Variants in PRUNE2 observed in about 807,000 individuals in gnomAD.
The protein encoded by PRUNE2 is prune homolog 2 with BCH domain.
Under a neutral mutation model 252.0 loss-of-function variants are expected in PRUNE2, and 164 were observed. The observed-to-expected ratio is 0.65, with a 90% confidence interval of 0.57 to 0.74. The LOEUF is 0.74. Among genes scored for constraint, PRUNE2 ranks in the 30% least tolerant of loss-of-function variants. The pLI is 0.00. For synonymous variants in PRUNE2, 1,292 were observed against 1,350.2 expected, an observed-to-expected ratio of 0.96 and a Z score of 0.94; for missense variants, 3,495 against 3,711.0, an observed-to-expected ratio of 0.94 and a Z score of 1.51.
intron 1 of PRUNE2, among the ~76,000 whole-genome samples, chr9:76,881,573 C>G (rs981081734): frequency 6.6e-6 from 1 of 152,032 alleles, no homozygotes; most frequent in Non-Finnish European, 1.5e-5. Flanking sequence ...CCCCAGCAAC[C>G]ACCAATTTAC....
chr9:76,649,544 T>C (rs879847941), intron 11 of PRUNE2, among the ~76,000 whole-genome samples: 8 of 151,940 alleles, frequency 5.3e-5, no homozygotes, highest in Non-Finnish European at 7.4e-5. Context: ...TGAGATTACA[T>C]CAGTGCACTC....
intron 9 of PRUNE2, among the ~76,000 whole-genome samples, chr9:76,700,661 TATA>T (rs1016748328): frequency 1.3e-5 from 2 of 152,234 alleles, no homozygotes; most frequent in African/African-American, 4.8e-5. Context: ...CACTTGAAAG[TATA>T]ATAATTTTTT....
chr9:76,873,043 G>C (rs1407137374), intron 1 of PRUNE2, among the ~76,000 whole-genome samples: 1 of 152,080 alleles, frequency 6.6e-6, no homozygotes, highest in East Asian at 1.9e-4. Flanking sequence ...ACAGGGAGAA[G>C]CCCATCCACA....
intron 6 of PRUNE2, among the ~76,000 whole-genome samples, chr9:76,799,470 C>T (rs1440529412): frequency 1.3e-5 from 2 of 152,024 alleles, no homozygotes; most frequent in African/African-American, 4.8e-5. Flanking sequence ...ATTATTACTA[C>T]AGAGCCTTAA....
At chr9:76,722,993 G>A (rs1168294051) in intron 6 of PRUNE2, among the ~76,000 whole-genome samples, 1 of 152,160 alleles carries the variant, frequency 6.6e-6, no homozygotes, top group Non-Finnish European at 1.5e-5. Context: ...CTACACACAA[G>A]CAAGCAACAT....
At chr9:76,697,054 C>T (rs575705974) in intron 9 of PRUNE2, among the ~76,000 whole-genome samples, 85 of 152,320 alleles carry the variant, frequency 5.6e-4, no homozygotes, top group African/African-American at 1.9e-3. Flanking sequence ...TCTTGCTGTG[C>T]CCCTGATATG....
intron 6 of PRUNE2, among the ~76,000 whole-genome samples, chr9:76,753,523 G>C (rs963934484): frequency 6.6e-6 from 1 of 152,070 alleles, no homozygotes. Flanking sequence ...TCTCCATTCT[G>C]GATGAATGTT....
rs373755220 is a variant in PRUNE2, at chr9:76,902,621, A to G, written c.36+3307T>C. Among the ~76,000 whole-genome samples the G allele has an allele frequency of 1.9e-4, 29 of 152,294 alleles. No homozygotes were observed. In the South Asian group the frequency reaches 2.9e-3, roughly 15 times the overall value. On this transcript the variant is annotated intron_variant, in intron 1 of 18. Transcript: ENST00000376718. ...CTTTAACAATCCTCGTGTCAATTCC[A>G]TATGTGTCATTCCTTGTTTGTCTAG...
At chr9:76,747,719 A>G (rs760823615) in intron 6 of PRUNE2, among the ~76,000 whole-genome samples, 27 of 152,188 alleles carry the variant, frequency 1.8e-4, no homozygotes, top group Non-Finnish European at 3.1e-4. Flanking sequence ...AAGGATGACA[A>G]CAAATCCCAC....
chr9:76,770,626 C>A (rs2052988666), intron 6 of PRUNE2, among the ~76,000 whole-genome samples: 1 of 152,082 alleles, frequency 6.6e-6, no homozygotes, highest in South Asian at 2.1e-4. Context: ...ACAACAAAAT[C>A]CTGCAAAACT....
intron 15 of PRUNE2, among the ~76,000 whole-genome samples, chr9:76,631,197 C>T (rs1011686710): frequency 2.0e-5 from 3 of 152,124 alleles, no homozygotes; most frequent in Admixed American, 6.5e-5. Context: ...GAGCTAAATA[C>T]GGTTTTGATA....
intron 1 of PRUNE2, among the ~76,000 whole-genome samples, chr9:76,905,590 C>A (rs187504234): frequency 6.6e-6 from 1 of 152,164 alleles, no homozygotes; most frequent in Non-Finnish European, 1.5e-5. Flanking sequence ...GAAGGCTGGG[C>A]TCTTTATCTC....
intron 1 of PRUNE2, among the ~76,000 whole-genome samples, chr9:76,865,192 T>C (rs1171323308): frequency 6.6e-6 from 1 of 152,178 alleles, no homozygotes; most frequent in Non-Finnish European, 1.5e-5. Flanking sequence ...CATTTTCTGT[T>C]TTTTAAAATA....
At chr9:76,774,185 G>A (rs903458393) in intron 6 of PRUNE2, among the ~76,000 whole-genome samples, 4 of 151,936 alleles carry the variant, frequency 2.6e-5, no homozygotes, top group African/African-American at 7.3e-5. Flanking sequence ...CCCCAGGCTG[G>A]AGTGCAGTGG....
At chr9:76,762,752 C>T (rs952305973) in intron 6 of PRUNE2, among the ~76,000 whole-genome samples, 2 of 152,160 alleles carry the variant, frequency 1.3e-5, no homozygotes, top group Non-Finnish European at 1.5e-5. Context: ...TCAGGCCCTT[C>T]GCCATGAGCA....
intron 1 of PRUNE2, among the ~76,000 whole-genome samples, chr9:76,898,858 T>C (rs2063001392): frequency 6.6e-6 from 1 of 152,110 alleles, no homozygotes; most frequent in Admixed American, 6.5e-5. Context: ...CTAAAACAAA[T>C]AACCTGGGAA....
At chr9:76,742,774 C>A (rs903171749) in intron 6 of PRUNE2, among the ~76,000 whole-genome samples, 9 of 151,896 alleles carry the variant, frequency 5.9e-5, no homozygotes, top group Admixed American at 2.0e-4. Flanking sequence ...CAAGAAAAAA[C>A]CAATTAAACA....
intron 6 of PRUNE2, among the ~76,000 whole-genome samples, chr9:76,728,000 G>A (rs2048266919): frequency 6.6e-6 from 1 of 151,960 alleles, no homozygotes; most frequent in Non-Finnish European, 1.5e-5. Context: ...ACAGGTGTGA[G>A]CCCCCCGACG....
At chr9:76,883,368 G>C (rs1589757544) in intron 1 of PRUNE2, among the ~76,000 whole-genome samples, 1 of 152,292 alleles carries the variant, frequency 6.6e-6, no homozygotes, top group Middle Eastern at 3.4e-3. Context: ...ATTACTTCTA[G>C]AAGTTAAGAT....
Sources: gnomAD v4.1 joint callset for allele counts (sites outside exome capture counted in the v4.1 genomes callset) on GRCh38, gnomAD v4.1.1 for gene constraint, MANE v1.5 for transcripts, NCBI Gene and HGNC (gene_info 2026-07-23, HGNC 2026-07-21) for gene names.